Variants in SNAP23 observed in about 807,000 individuals in gnomAD.
SNAP23 encodes the protein synaptosome associated protein 23.
Under a neutral mutation model 29.0 loss-of-function variants are expected in SNAP23, and 11 were observed. The observed-to-expected ratio is 0.38, with a 90% CI of 0.24 to 0.63. SNAP23 has a LOEUF of 0.63. SNAP23 is among the 20% of genes least tolerant of loss of function. The pLI is 0.58. For synonymous variants in SNAP23, 60 were observed against 82.9 expected, an observed-to-expected ratio of 0.72 and a Z score of 1.50; for missense variants, 220 against 253.9, an observed-to-expected ratio of 0.87 and a Z score of 0.91.
At chr15:42,529,067 C>T (rs1038308431) in intron 6 of SNAP23, among the ~76,000 whole-genome samples, 8 of 152,188 alleles carry the variant, frequency 5.3e-5, no homozygotes, top group Non-Finnish European at 7.3e-5. Context: ...AGATCTGTAA[C>T]GAGCCAGAGA....
At chr15:42,520,014 C>T (rs1329489087) in intron 5 of SNAP23, among the ~76,000 whole-genome samples, 1 of 148,298 alleles carries the variant, frequency 6.7e-6, no homozygotes, top group Non-Finnish European at 1.5e-5. Flanking sequence ...AGTGGAAGAG[C>T]TGGGATTCAA....
At chr15:42,506,039 G>A (rs1167983661) in intron 1 of SNAP23, among the ~76,000 whole-genome samples, 2 of 150,766 alleles carry the variant, frequency 1.3e-5, no homozygotes, top group South Asian at 2.1e-4. Context: ...ACTCCCTCCC[G>A]GGTTCAAACG....
At chr15:42,516,884 A>C (rs2057401065) in intron 5 of SNAP23, among the ~76,000 whole-genome samples, 1 of 152,202 alleles carries the variant, frequency 6.6e-6, no homozygotes, top group Non-Finnish European at 1.5e-5. Flanking sequence ...TTCTAACACA[A>C]GTCTGTTGAC....
At chr15:42,529,875 A>G (rs942986536) in intron 7 of SNAP23, 56 bp downstream of exon 7, 19 of 1,576,910 alleles carry the variant, frequency 1.2e-5, no homozygotes, top group Non-Finnish European at 1.6e-5. Flanking sequence ...TGTTTCAGTA[A>G]TAGACATCTG....
chr15:42,502,955 T>C (rs1255727066), intron 1 of SNAP23, among the ~76,000 whole-genome samples: 4 of 152,194 alleles, frequency 2.6e-5, no homozygotes, highest in Non-Finnish European at 5.9e-5. Context: ...AACTGAAGTT[T>C]AATTTTTTTT....
intron 5 of SNAP23, among the ~76,000 whole-genome samples, chr15:42,520,695 C>T (rs914140976): frequency 1.7e-4 from 26 of 152,038 alleles, no homozygotes; most frequent in Admixed American, 8.5e-4. Flanking sequence ...GGGGTTTCAC[C>T]GTGTTAGCCA....
At chr15:42,495,466 G>C (rs2057209198), upstream of SNAP23, 1 of 152,268 alleles carries the variant, frequency 6.6e-6, no homozygotes, top group East Asian at 1.9e-4. Context: ...ACACCTCCCA[G>C]CTTCGGGCAG....
intron 1 of SNAP23, among the ~76,000 whole-genome samples, chr15:42,503,116 G>A (rs1341001562): frequency 6.6e-6 from 1 of 152,070 alleles, no homozygotes; most frequent in Non-Finnish European, 1.5e-5. Context: ...TTTTTAGTGG[G>A]ACTTTCCCAT....
intron 5 of SNAP23, among the ~76,000 whole-genome samples, chr15:42,517,907 C>G (rs967661242): frequency 1.3e-5 from 2 of 152,016 alleles, no homozygotes; most frequent in Non-Finnish European, 2.9e-5. Context: ...AGACAGGGGT[C>G]TTGCTATGTT....
chr15:42,504,275 A>C (rs886573580), intron 1 of SNAP23, among the ~76,000 whole-genome samples: 2 of 152,142 alleles, frequency 1.3e-5, no homozygotes, highest in African/African-American at 4.8e-5. Context: ...CCTGGGGCAG[A>C]GGTTGCAGTG....
intron 5 of SNAP23, among the ~76,000 whole-genome samples, chr15:42,516,451 C>T (rs1369381571): frequency 6.6e-6 from 1 of 152,184 alleles, no homozygotes; most frequent in African/African-American, 2.4e-5. Flanking sequence ...CTGCCTCAGC[C>T]TCCCGAGTAG....
chr15:42,519,380 T>C (rs965619986), intron 5 of SNAP23, among the ~76,000 whole-genome samples: 5 of 150,418 alleles, frequency 3.3e-5, no homozygotes, highest in Non-Finnish European at 7.4e-5. Context: ...TCTTTTTCTT[T>C]TTTTTTTTTG....
At chr15:42,521,323 C>T (rs1264964797) in intron 5 of SNAP23, 5 of 234,984 alleles carry the variant, frequency 2.1e-5, no homozygotes, top group Non-Finnish European at 3.5e-5. Flanking sequence ...TCTCAAAGCA[C>T]TCCATTGGTT....
chr15:42,528,522 T>G, intron 6 of SNAP23, 102 bp downstream of exon 6: 2 of 1,131,872 alleles, frequency 1.8e-6, no homozygotes, highest in South Asian at 1.5e-5. Flanking sequence ...AAATAAAAAT[T>G]GTATTTATTC....
chr15:42,515,173 A>G (rs1482947305), intron 4 of SNAP23, 64 bp from the exon 5 acceptor site: 3 of 966,998 alleles, frequency 3.1e-6, no homozygotes, highest in East Asian at 4.9e-5. Flanking sequence ...TTCCATAATA[A>G]TAGCATTTTC....
At position 42,520,688 on chromosome 15, in the gene SNAP23, G is replaced by T. The variant is rs535027209; in HGVS notation, c.266+5334G>T. On this transcript the variant is annotated intron_variant, in intron 5 of 7. Coordinates refer to ENST00000249647, the MANE Select transcript of SNAP23 (RefSeq NM_003825.4). ...TTTTTGTATTTTTAGTAGAGACGGG[G>T]TTTCACCGTGTTAGCCAGGATGGTC... is the stretch of plus-strand genomic sequence containing the variant. 5.3e-5 allele frequency among the ~76,000 whole-genome samples: 8 copies of T among 151,754 alleles called. No homozygotes were observed. The East Asian group carries it at 1.6e-3, about 30-fold the overall frequency.
At chr15:42,519,766 G>C (rs930957941) in intron 5 of SNAP23, among the ~76,000 whole-genome samples, 2 of 152,078 alleles carry the variant, frequency 1.3e-5, no homozygotes, top group Non-Finnish European at 2.9e-5. Flanking sequence ...GCCTCCCAAA[G>C]TGCTGGTATT....
upstream of SNAP23, among the ~76,000 whole-genome samples, chr15:42,493,199 G>A (rs144172077): frequency 3.3e-5 from 5 of 152,082 alleles, no homozygotes; most frequent in East Asian, 1.9e-4. Flanking sequence ...GAAATTAGCC[G>A]GCAGTGGTGG....
intron 3 of SNAP23, 34 bp from the exon 4 acceptor site, chr15:42,513,365 T>C (rs770475209): frequency 1.1e-4 from 169 of 1,601,928 alleles, no homozygotes; most frequent in South Asian, 4.0e-4. Context: ...TGGTTTGTTT[T>C]GTTGTACTAT....
Sources: allele counts gnomAD v4.1 joint callset (sites outside exome capture counted in the v4.1 genomes callset), GRCh38; gene constraint gnomAD v4.1.1; transcripts MANE v1.5; gene names NCBI Gene and HGNC (gene_info 2026-07-23, HGNC 2026-07-21).